TCOF1: variants seen among roughly 807,000 people sequenced by gnomAD.
TCOF1 encodes the protein treacle ribosome biogenesis factor 1, also known as treacle protein.
A neutral mutation model predicts 149.0 loss-of-function variants in TCOF1; 33 were observed. That is an observed-to-expected ratio of 0.22 (90% CI 0.17 to 0.30). The LOEUF (loss-of-function observed/expected upper bound fraction) is 0.30. Among genes scored for constraint, TCOF1 ranks in the 10% least tolerant of loss-of-function variants. TCOF1 has a pLI of 1.00. For missense variants in TCOF1, 1,728 were observed against 1,840.7 expected (o/e 0.94, Z 1.12); for synonymous variants, 789 against 738.8 (o/e 1.07, Z -1.10).
At position 150,372,013 on chromosome 5, in the gene TCOF1, C is replaced by T; in HGVS notation, c.647C>T (p.Pro216Leu). The change falls in exon 7 of 27, where the codon CCC becomes CTC. Residue 216 changes from proline (P) to leucine (L), a missense_variant. Physicochemically the swap from Pro to Leu is moderately conservative, Grantham distance 98. This residue lies in a region of TCOF1 where 1,696 missense variants were observed against 1,765.4 expected (regional missense o/e 0.96). Coordinates refer to ENST00000643257, the MANE Select transcript of TCOF1 (RefSeq NM_001371623.1). ...TCCATCCTCTTGTTCCAGGGGAAACCCTCAGTAAAACCAGCCCAGGTCAAA... is the reference window on the plus strand; with the variant it reads ...TCCATCCTCTTGTTCCAGGGGAAACTCTCAGTAAAACCAGCCCAGGTCAAA... Reference protein sequence around the residue: ...SSDETDVEGKPSVKPAQVKAS... With the variant: ...SSDETDVEGKLSVKPAQVKAS... 6.2e-7 allele frequency: 1 copy of T among 1,614,092 alleles called. No individual in the cohort carries two copies. Among genetic ancestry groups the T allele is most frequent in the African/African-American group, 1.3e-5 (1 of 75,034 alleles).
At chr5:150,387,679 G>T (rs1766562012) in intron 17 of TCOF1, among the ~76,000 whole-genome samples, 1 of 152,210 alleles carries the variant, frequency 6.6e-6, no homozygotes, top group South Asian at 2.1e-4. Flanking sequence ...GGGCTTCACT[G>T]TGAGGGTCAG....
At chr5:150,378,519 C>G (rs551063927) in intron 14 of TCOF1, 10 of 285,730 alleles carry the variant, frequency 3.5e-5, no homozygotes, top group Non-Finnish European at 6.7e-5. Context: ...CAACTTACAT[C>G]CTATGAGCCA....
chr5:150,377,491 C>T (rs1311909598), intron 14 of TCOF1, among the ~76,000 whole-genome samples: 3 of 152,226 alleles, frequency 2.0e-5, no homozygotes, highest in Non-Finnish European at 2.9e-5. Flanking sequence ...CCTGCACTCA[C>T]CCACCCACTG....
chr5:150,367,464 C>T (rs1442588714), intron 3 of TCOF1: 4 of 243,478 alleles, frequency 1.6e-5, no homozygotes, highest in East Asian at 9.8e-5. Context: ...CCCTTCTTGC[C>T]GAACAGCTTT....
At chr5:150,391,747 C>T (rs1443092607) in intron 20 of TCOF1, 90 bp downstream of exon 20, 3 of 1,322,696 alleles carry the variant, frequency 2.3e-6, no homozygotes, top group Non-Finnish European at 3.2e-6. Flanking sequence ...TCATCTGCCC[C>T]ATGACCTCTG....
At chr5:150,396,200 C>T (rs527289040) in intron 23 of TCOF1, 82 bp from the exon 24 acceptor site, 6 of 1,506,900 alleles carry the variant, frequency 4.0e-6, no homozygotes, top group East Asian at 2.3e-5. Flanking sequence ...GAGTCACTCC[C>T]TGCACCCTCT....
intron 24 of TCOF1, 115 bp from the exon 25 acceptor site, chr5:150,398,239 T>C: frequency 6.3e-7 from 1 of 1,579,844 alleles, no homozygotes; most frequent in East Asian, 2.2e-5. Context: ...CCTGTTGTGA[T>C]GGCTTCTGGT....
At chr5:150,396,928 C>G in intron 24 of TCOF1, 86 bp downstream of exon 24, 1 of 1,452,154 alleles carries the variant, frequency 6.9e-7, no homozygotes, top group Non-Finnish European at 9.4e-7. Context: ...CACCTGGTCT[C>G]ATTCCTCCCA....
intron 3 of TCOF1, 39 bp downstream of exon 3, chr5:150,364,291 T>G (rs779645531): frequency 1.2e-6 from 2 of 1,613,320 alleles, no homozygotes; most frequent in African/African-American, 1.3e-5. Flanking sequence ...CTATGGAATA[T>G]TGATTGTTCT....
intron 17 of TCOF1, among the ~76,000 whole-genome samples, chr5:150,381,694 T>C (rs1765223920): frequency 6.6e-6 from 1 of 152,202 alleles, no homozygotes; most frequent in Non-Finnish European, 1.5e-5. Flanking sequence ...TTTCAATGAG[T>C]TCTTAGTCAG....
chr5:150,371,732 G>A (rs1762570411), intron 6 of TCOF1, among the ~76,000 whole-genome samples: 3 of 152,182 alleles, frequency 2.0e-5, no homozygotes, highest in African/African-American at 2.4e-5. Context: ...GGTGGGAGAT[G>A]AACGTAATGG....
chr5:150,395,576 C>A (rs1291088429), intron 23 of TCOF1, among the ~76,000 whole-genome samples: 1 of 151,030 alleles, frequency 6.6e-6, no homozygotes, highest in Admixed American at 6.6e-5. Context: ...ACACAATTAT[C>A]AAAGGCAAGC....
intron 21 of TCOF1, 72 bp downstream of exon 21, chr5:150,392,248 C>G (rs1471954129): frequency 4.0e-6 from 6 of 1,490,126 alleles, no homozygotes; most frequent in Non-Finnish European, 3.7e-6. Flanking sequence ...AGCCATAGCT[C>G]TGGCCTCAGC....
rs940565379 is a variant in TCOF1, at chr5:150,379,837, C to T, written c.2859+105C>T. On this transcript the variant is annotated intron_variant, in intron 17 of 26. Coordinates refer to ENST00000643257, the MANE Select transcript of TCOF1 (RefSeq NM_001371623.1). ...CTGTAATCCTAGCACTTTGGGAGGC[C>T]GAGGCAGATGTATCACTTGAGGTCA... 5.4e-5 allele frequency: 75 copies of T among 1,398,086 alleles called. 1 individual carries two copies. The highest frequency in any genetic ancestry group is 1.4e-4 in the Admixed American group (7 of 50,826). 86.6% of individuals were successfully genotyped at this position (1,398,086 alleles called of 1,614,324 possible).
chr5:150,396,994 C>G (rs1768683310), intron 24 of TCOF1, 152 bp downstream of exon 24: 1 of 935,114 alleles, frequency 1.1e-6, no homozygotes, highest in Non-Finnish European at 1.6e-6. Flanking sequence ...CCCGTCTCTA[C>G]TAAAAATACA....
At position 150,396,653 on chromosome 5, in the gene TCOF1, A is replaced by T. The variant is rs1008294059; in HGVS notation, c.4156A>T (p.Thr1386Ser). The T allele has an allele frequency of 6.2e-7, 1 of 1,609,718 alleles. No individual in the cohort carries two copies. The highest frequency in any genetic ancestry group is 8.5e-7 in the Non-Finnish European group (1 of 1,177,936). ...ASVSPEKTST[T>S]SKGKAKRDKA... ...TGTTTCCCCAGAAAAGACCTCCACG[A>T]CTTCCAAGGGGAAAGCAAAGAGAGA... Residue 1386 changes from threonine (T) to serine (S), a missense_variant, in exon 24 of 27, where the codon ACT becomes TCT. This residue lies in a region of TCOF1 where 1,696 missense variants were observed against 1,765.4 expected (regional missense o/e 0.96). Transcript: ENST00000643257.
At chr5:150,374,492 C>G in intron 8 of TCOF1, 106 bp downstream of exon 8, 1 of 1,556,846 alleles carries the variant, frequency 6.4e-7, no homozygotes, top group East Asian at 2.3e-5. Context: ...TGCCTCAGAC[C>G]CCAGCCCCTT....
intron 7 of TCOF1, among the ~76,000 whole-genome samples, chr5:150,373,059 A>G (rs1762894352): frequency 1.3e-5 from 2 of 152,154 alleles, no homozygotes; most frequent in Admixed American, 6.5e-5. Context: ...TTGGATGGGC[A>G]TCCACTTTGA....
intron 17 of TCOF1, among the ~76,000 whole-genome samples, chr5:150,386,143 C>T (rs1766241092): frequency 1.3e-5 from 2 of 152,310 alleles, no homozygotes; most frequent in African/African-American, 4.8e-5. Context: ...CCCGCCCCAA[C>T]CCCCCACAGC....
Sources: allele counts gnomAD v4.1 joint callset (sites outside exome capture counted in the v4.1 genomes callset), GRCh38; gene constraint gnomAD v4.1.1; regional missense constraint gnomAD v4.1.1; transcripts MANE v1.5; gene names NCBI Gene and HGNC (gene_info 2026-07-23, HGNC 2026-07-21).